Variants in GPC6 observed in about 807,000 individuals in gnomAD.
GPC6 encodes glypican 6, also known as glypican-6.
A neutral mutation model predicts 55.2 loss-of-function variants in GPC6; 14 were observed. The ratio of observed to expected loss-of-function variants is 0.25; its 90% confidence interval spans 0.17 to 0.40. The LOEUF is 0.40. Among genes scored for constraint, GPC6 ranks in the 10% least tolerant of loss-of-function variants. The pLI, the probability that GPC6 is intolerant of heterozygous loss-of-function variation, is 1.00. For missense variants in GPC6, 641 were observed against 708.5 expected (o/e 0.90, Z 1.08); for synonymous variants, 278 against 259.6 (o/e 1.07, Z -0.68).
At chr13:94,283,861 G>A (rs1892455395) in intron 4 of GPC6, among the ~76,000 whole-genome samples, 1 of 152,126 alleles carries the variant, frequency 6.6e-6, no homozygotes, top group East Asian at 1.9e-4. Context: ...AAATATAAGT[G>A]GCAGAGAGAT....
chr13:93,399,428 T>G (rs1875986223), intron 1 of GPC6, among the ~76,000 whole-genome samples: 1 of 152,236 alleles, frequency 6.6e-6, no homozygotes, highest in African/African-American at 2.4e-5. Flanking sequence ...AAGTACTTCA[T>G]AAATCCGCCT....
chr13:93,279,547 C>A (rs1877875417), intron 1 of GPC6, among the ~76,000 whole-genome samples: 1 of 152,008 alleles, frequency 6.6e-6, no homozygotes, highest in South Asian at 2.1e-4. Context: ...ACATTGATTG[C>A]CTTTTGAGGG....
intron 2 of GPC6, among the ~76,000 whole-genome samples, chr13:93,610,512 C>T (rs9556310): frequency 0.28 from 42,293 of 151,776 alleles, 6,866 homozygotes; most frequent in Non-Finnish European, 0.37. Flanking sequence ...ACAAGGGAAG[C>T]GTATCAGGAG....
chr13:94,103,493 A>G (rs1482710215), intron 4 of GPC6, among the ~76,000 whole-genome samples: 1 of 152,092 alleles, frequency 6.6e-6, no homozygotes, highest in Non-Finnish European at 1.5e-5. Flanking sequence ...ACTAGTTTAC[A>G]CTCCCACCAA....
At chr13:93,620,475 T>G (rs1279139863) in intron 2 of GPC6, among the ~76,000 whole-genome samples, 1 of 152,236 alleles carries the variant, frequency 6.6e-6, no homozygotes, top group Non-Finnish European at 1.5e-5. Flanking sequence ...GTTCTATTTC[T>G]TTAGCTATAG....
At chr13:93,740,791 A>T (rs546125879) in intron 2 of GPC6, among the ~76,000 whole-genome samples, 2 of 152,184 alleles carry the variant, frequency 1.3e-5, no homozygotes, top group African/African-American at 4.8e-5. Context: ...AAGAATAAAT[A>T]CAAGACTCAA....
intron 4 of GPC6, among the ~76,000 whole-genome samples, chr13:94,055,607 A>C (rs1458387198): frequency 6.6e-6 from 1 of 152,164 alleles, no homozygotes; most frequent in Non-Finnish European, 1.5e-5. Context: ...AAACCAAATT[A>C]ATGGGTACAC....
intron 3 of GPC6, among the ~76,000 whole-genome samples, chr13:93,980,513 G>A (rs1880751136): frequency 6.6e-6 from 1 of 152,166 alleles, no homozygotes; most frequent in Non-Finnish European, 1.5e-5. Flanking sequence ...GCTTAGTATT[G>A]AATGTGTAAG....
intron 2 of GPC6, among the ~76,000 whole-genome samples, chr13:93,713,395 A>G (rs964102782): frequency 4.0e-5 from 6 of 151,704 alleles, no homozygotes; most frequent in Admixed American, 6.6e-5. Flanking sequence ...AAATAGACAA[A>G]TTACTGCCAA....
intron 6 of GPC6, among the ~76,000 whole-genome samples, chr13:94,343,489 T>C (rs1878140525): frequency 6.6e-6 from 1 of 152,128 alleles, no homozygotes; most frequent in South Asian, 2.1e-4. Flanking sequence ...ACTGAGTGCA[T>C]AAGACTCATG....
At chr13:93,761,668 C>A (rs1884960219) in intron 2 of GPC6, among the ~76,000 whole-genome samples, 1 of 152,022 alleles carries the variant, frequency 6.6e-6, no homozygotes, top group South Asian at 2.1e-4. Context: ...CCACACCGGG[C>A]TAATTTTTTA....
chr13:93,876,435 T>C (rs1889298801), intron 3 of GPC6, among the ~76,000 whole-genome samples: 1 of 152,070 alleles, frequency 6.6e-6, no homozygotes, highest in East Asian at 1.9e-4. Flanking sequence ...GGTAACTTCT[T>C]TGTGATAAGC....
At chr13:93,887,573 T>C (rs1362044089) in intron 3 of GPC6, among the ~76,000 whole-genome samples, 1 of 152,130 alleles carries the variant, frequency 6.6e-6, no homozygotes, top group Non-Finnish European at 1.5e-5. Flanking sequence ...GATAGCTGCA[T>C]TGACCTTAGA....
At chr13:94,402,379 C>G (rs552055436) in intron 8 of GPC6, among the ~76,000 whole-genome samples, 30 of 152,350 alleles carry the variant, frequency 2.0e-4, no homozygotes, top group African/African-American at 7.0e-4. Context: ...GTGGCCTCCC[C>G]TTGAGTCTGG....
chr13:93,389,754 C>CATTT (rs1333692264), intron 1 of GPC6, among the ~76,000 whole-genome samples: 2 of 151,482 alleles, frequency 1.3e-5, no homozygotes, highest in Non-Finnish European at 2.9e-5. Context: ...AATCATGTTA[C>CATTT]ATTTATTTAT....
At chr13:93,923,551 T>C (rs1053495175) in intron 3 of GPC6, among the ~76,000 whole-genome samples, 3 of 152,174 alleles carry the variant, frequency 2.0e-5, no homozygotes, top group African/African-American at 7.2e-5. Context: ...CAATAGCCAC[T>C]TTCCCCAGTC....
At chr13:93,557,707 A>G (rs1176242673) in intron 2 of GPC6, among the ~76,000 whole-genome samples, 1 of 152,202 alleles carries the variant, frequency 6.6e-6, no homozygotes. Flanking sequence ...ACCTTCTGTT[A>G]GTTCCACGAC....
chr13:93,679,866 G>A (rs777919958), intron 2 of GPC6, among the ~76,000 whole-genome samples: 8 of 151,536 alleles, frequency 5.3e-5, no homozygotes, highest in Non-Finnish European at 8.8e-5. Context: ...CTGTCCCCAA[G>A]GATATGTGCA....
chr13:94,265,342 T>G (rs542785159), intron 4 of GPC6, among the ~76,000 whole-genome samples: 1 of 152,244 alleles, frequency 6.6e-6, no homozygotes, highest in African/African-American at 2.4e-5. Context: ...CTGAAGAACT[T>G]GGAGTCTGAT....
Sources: gnomAD v4.1 joint callset for allele counts (sites outside exome capture counted in the v4.1 genomes callset) on GRCh38, gnomAD v4.1.1 for gene constraint, MANE v1.5 for transcripts, NCBI Gene and HGNC (gene_info 2026-07-23, HGNC 2026-07-21) for gene names.